Variants in CGNL1 observed in about 807,000 individuals in gnomAD.
CGNL1 encodes cingulin like 1.
A neutral mutation model predicts 141.2 loss-of-function variants in CGNL1; 132 were observed. That is an observed-to-expected ratio of 0.93 (90% CI 0.81 to 1.08). The LOEUF is 1.08. Ranked by LOEUF, CGNL1 falls within the 50% of genes least tolerant of loss-of-function variation. The pLI is 0.00. For missense variants in CGNL1, 1,870 were observed against 1,588.6 expected, an observed-to-expected ratio of 1.18 and a Z score of -3.01; for synonymous variants, 690 against 622.1, an observed-to-expected ratio of 1.11 and a Z score of -1.63.
chr15:57,441,478 C>A (rs1262901850), intron 3 of CGNL1, among the ~76,000 whole-genome samples: 1 of 152,100 alleles, frequency 6.6e-6, no homozygotes, highest in Non-Finnish European at 1.5e-5. Context: ...AAGAGATTCT[C>A]CTGCCTCAGC....
At chr15:57,416,644 G>A (rs1382986912) in intron 1 of CGNL1, among the ~76,000 whole-genome samples, 2 of 152,184 alleles carry the variant, frequency 1.3e-5, no homozygotes, top group Admixed American at 1.3e-4. Context: ...CAGTGTCCTA[G>A]GAACTTGTCT....
At position 57,549,550 on chromosome 15, in the gene CGNL1, C is replaced by T. The variant is rs2033021581; in HGVS notation, c.*2060C>T. ...CACCACAGCCAGGGGTGATTCTCACCTCTGCCTGCTTATGTGGGGTGTGGC... is the reference window on the plus strand; with the variant it reads ...CACCACAGCCAGGGGTGATTCTCACTTCTGCCTGCTTATGTGGGGTGTGGC... On this transcript the variant is annotated 3_prime_UTR_variant, in exon 19 of 19. Coordinates refer to ENST00000281282, the MANE Select transcript of CGNL1 (RefSeq NM_032866.5). The T allele has an allele frequency of 6.6e-6, 1 of 152,202 alleles. No individual in the cohort carries two copies. Among genetic ancestry groups the T allele is most frequent in the Admixed American group, 6.5e-5 (1 of 15,278 alleles). 9.4% of individuals were successfully genotyped at this position (152,202 alleles called of 1,614,324 possible). A position where few individuals can be genotyped will look rare whatever the true frequency, so the allele number is the denominator to read the frequency against.
intron 1 of CGNL1, among the ~76,000 whole-genome samples, chr15:57,378,725 CT>C (rs2062394132): frequency 1.3e-5 from 2 of 152,114 alleles, no homozygotes; most frequent in African/African-American, 4.8e-5. Flanking sequence ...CCAAGAATGC[CT>C]TGCTGAAGTG....
intron 8 of CGNL1, among the ~76,000 whole-genome samples, chr15:57,508,400 T>C (rs898764545): frequency 6.6e-6 from 1 of 152,204 alleles, no homozygotes; most frequent in East Asian, 1.9e-4. Flanking sequence ...AAATGGTAAG[T>C]AGGCAAATCA....
At chr15:57,453,595 G>T in intron 6 of CGNL1, 88 bp from the exon 7 acceptor site, 2 of 1,529,538 alleles carry the variant, frequency 1.3e-6, no homozygotes, top group Non-Finnish European at 8.9e-7. Context: ...TTAGAGACTT[G>T]TGTAACCCTC....
chr15:57,449,576 C>T (rs1018690916), intron 4 of CGNL1, among the ~76,000 whole-genome samples: 3 of 152,172 alleles, frequency 2.0e-5, no homozygotes, highest in Non-Finnish European at 2.9e-5. Context: ...CACTCAAAGA[C>T]GTCCATAGTT....
rs1428737088 is a variant in CGNL1 at position 57,439,295 on chromosome 15, G to A, written c.1296G>A (p.Gln432=). The A allele has an allele frequency of 7.4e-6, 12 of 1,613,990 alleles. No individual in the cohort carries two copies. The highest frequency in any genetic ancestry group is 1.3e-5 in the African/African-American group (1 of 74,934). The part of the protein sequence containing the change: ...SQVCPQRPLS[Q]ERRGKQSVGR... Reference sequence around the variant, plus strand: ...TGTGCCCGCAGCGGCCACTGTCTCAGGAGCGCCGTGGGAAACAGAGCGTGG... The same window carrying A: ...TGTGCCCGCAGCGGCCACTGTCTCAAGAGCGCCGTGGGAAACAGAGCGTGG... Residue 432 remains glutamine, a synonymous_variant, in exon 2 of 19, where the codon CAG becomes CAA. Transcript: ENST00000281282.
chr15:57,438,430 A>G lies in CGNL1; in HGVS notation c.431A>G (p.Asn144Ser), dbSNP rs762829935. 3.1e-6 allele frequency: 5 copies of G among 1,614,210 alleles called. No homozygotes were observed. The highest frequency in any genetic ancestry group is 4.2e-6 in the Non-Finnish European group (5 of 1,180,044). Residue 144 changes from asparagine to serine, a missense_variant, in exon 2 of 19, where the codon AAC (asparagine) becomes AGC (serine). Coordinates refer to ENST00000281282, the MANE Select transcript of CGNL1 (RefSeq NM_032866.5). Reference sequence around the variant, plus strand: ...TCTGTGAAGCCATCTCACCTGCTGAACTTTCAGAGGCATCCAGAGCTTTTG... The same window carrying G: ...TCTGTGAAGCCATCTCACCTGCTGAGCTTTCAGAGGCATCCAGAGCTTTTG... ...DGSVKPSHLL[N>S]FQRHPELLQP...
At chr15:57,430,658 C>A (rs1008222823) in intron 1 of CGNL1, among the ~76,000 whole-genome samples, 1 of 152,144 alleles carries the variant, frequency 6.6e-6, no homozygotes, top group Non-Finnish European at 1.5e-5. Context: ...TGGGGGAGAG[C>A]CACTTGGTGC....
At chr15:57,464,838 C>G (rs1449222528) in intron 8 of CGNL1, among the ~76,000 whole-genome samples, 1 of 151,788 alleles carries the variant, frequency 6.6e-6, no homozygotes, top group African/African-American at 2.4e-5. Context: ...CAGCCTACAC[C>G]TCCCAGGTTC....
intron 14 of CGNL1, among the ~76,000 whole-genome samples, chr15:57,541,104 C>T (rs560166673): frequency 2.0e-4 from 30 of 152,338 alleles, no homozygotes; most frequent in Middle Eastern, 6.8e-3. Context: ...GCCCTTACAG[C>T]GTGTCTCATT....
Position 57,439,764 on chromosome 15 carries a change from T to C in CGNL1, c.1602+163T>C, listed in dbSNP as rs952567980. Among the ~76,000 whole-genome samples the C allele has an allele frequency of 2.6e-5, 4 of 152,224 alleles. No individual in the cohort carries two copies. In the East Asian group the frequency reaches 5.8e-4, roughly 22 times the overall value. On this transcript the variant is annotated intron_variant, in intron 2 of 18. Coordinates refer to ENST00000281282, the MANE Select transcript of CGNL1 (RefSeq NM_032866.5). Reference sequence around the variant, plus strand: ...GGATCCAGTTGTGTCCTACTGACGATGTCCTACTGCCAATTGTATAGTTTT... The same window carrying C: ...GGATCCAGTTGTGTCCTACTGACGACGTCCTACTGCCAATTGTATAGTTTT...
intron 12 of CGNL1, among the ~76,000 whole-genome samples, chr15:57,525,011 G>A (rs998218966): frequency 1.3e-5 from 2 of 152,148 alleles, no homozygotes; most frequent in Admixed American, 1.3e-4. Context: ...TGCCTAAAAT[G>A]TTTAGCTGCC....
chr15:57,451,156 A>G (rs2063317456), intron 4 of CGNL1, among the ~76,000 whole-genome samples: 1 of 152,174 alleles, frequency 6.6e-6, no homozygotes, highest in South Asian at 2.1e-4. Flanking sequence ...ATGCATTGCT[A>G]TTTTATAATA....
chr15:57,408,300 A>T (rs2062745991), intron 1 of CGNL1, among the ~76,000 whole-genome samples: 1 of 152,082 alleles, frequency 6.6e-6, no homozygotes, highest in South Asian at 2.1e-4. Flanking sequence ...AACCTCAAGG[A>T]TGATGAACAC....
chr15:57,387,548 C>T (rs1184603477), intron 1 of CGNL1, among the ~76,000 whole-genome samples: 2 of 152,188 alleles, frequency 1.3e-5, no homozygotes, highest in Non-Finnish European at 2.9e-5. Context: ...AAAGAATTAG[C>T]AGCAGGAGCA....
chr15:57,405,578 G>T (rs1954382131), intron 1 of CGNL1, among the ~76,000 whole-genome samples: 3 of 152,184 alleles, frequency 2.0e-5, no homozygotes, highest in Admixed American at 2.0e-4. Flanking sequence ...TGGTAAGCTT[G>T]GTGAGTGGGG....
rs767096185 is a variant in CGNL1, at chr15:57,438,136, T to C, written c.137T>C (p.Val46Ala). The change falls in exon 2 of 19, where the codon GTC (valine) becomes GCC (alanine). Residue 46 changes from valine to alanine, a missense_variant. Val to Ala is a moderately conservative substitution (Grantham distance 64, BLOSUM62 0). Transcript: ENST00000281282. ...GGCTCCTACGGTGTCAGTATTCGGG[T>C]CCAGGGAATTGATGGTCACCCCTAT... ...KAGSYGVSIR[V>A]QGIDGHPYIV... 6.2e-7 allele frequency: 1 copy of C among 1,614,004 alleles called. No individual in the cohort carries two copies. The highest frequency in any genetic ancestry group is 8.5e-7 in the Non-Finnish European group (1 of 1,180,038).
intron 8 of CGNL1, among the ~76,000 whole-genome samples, chr15:57,513,251 T>C (rs2030476404): frequency 9.0e-6 from 1 of 111,686 alleles, no homozygotes; most frequent in African/African-American, 3.5e-5. Flanking sequence ...AATGTCAATA[T>C]GGGTGTGTGT....
Sources: allele counts gnomAD v4.1 joint callset (sites outside exome capture counted in the v4.1 genomes callset), GRCh38; gene constraint gnomAD v4.1.1; transcripts MANE v1.5; gene names NCBI Gene and HGNC (gene_info 2026-07-23, HGNC 2026-07-21).